Variants in TMEM132C observed in about 807,000 individuals in gnomAD.
TMEM132C encodes the protein protein phosphatase 1, regulatory subunit 152.
Under a neutral mutation model 61.4 loss-of-function variants are expected in TMEM132C, and 29 were observed. The ratio of observed to expected loss-of-function variants is 0.47; its 90% CI spans 0.35 to 0.64. The LOEUF is 0.64. TMEM132C is among the 30% of genes least tolerant of loss of function. The probability of loss-of-function intolerance (pLI) is 0.00; values close to 1 mark genes in which losing one functional copy is unlikely to be tolerated. For missense variants in TMEM132C, 1,408 were observed against 1,476.9 expected, an observed-to-expected ratio of 0.95 and a Z score of 0.76; for synonymous variants, 656 against 633.1, an observed-to-expected ratio of 1.04 and a Z score of -0.54.
At chr12:128,455,643 A>C (rs967842603) in intron 2 of TMEM132C, among the ~76,000 whole-genome samples, 11 of 152,242 alleles carry the variant, frequency 7.2e-5, no homozygotes, top group Non-Finnish European at 4.4e-5. Context: ...GAAACATATT[A>C]TAATAGAAAC....
At chr12:128,568,817 C>T (rs1483612324) in intron 3 of TMEM132C, among the ~76,000 whole-genome samples, 1 of 152,136 alleles carries the variant, frequency 6.6e-6, no homozygotes, top group Non-Finnish European at 1.5e-5. Context: ...TCCAAAGTGC[C>T]CATCTCTCAG....
Position 128,403,055 on chromosome 12 carries a change from C to T in TMEM132C, c.86-11677C>T, listed in dbSNP as rs189963781. Among the ~76,000 whole-genome samples the T allele has an allele frequency of 2.1e-3, 318 of 152,206 alleles. 1 individual carries two copies. The highest frequency in any genetic ancestry group is 7.4e-3 in the African/African-American group (307 of 41,524). On this transcript the variant is annotated intron_variant, in intron 1 of 8. Transcript: ENST00000435159. ...GCTTGACGGTTACGAAATTGCAAAC[C>T]GCGCTATGTAATTTCAGCAAAGGAT... is the stretch of plus-strand genomic sequence containing the variant.
At chr12:128,302,577 C>T (rs1466758697) in intron 1 of TMEM132C, among the ~76,000 whole-genome samples, 3 of 152,160 alleles carry the variant, frequency 2.0e-5, no homozygotes, top group South Asian at 2.1e-4. Context: ...GTAGCTCTTT[C>T]GTGTCACAAA....
At chr12:128,380,798 C>T (rs1429118240) in intron 1 of TMEM132C, among the ~76,000 whole-genome samples, 1 of 152,202 alleles carries the variant, frequency 6.6e-6, no homozygotes, top group East Asian at 1.9e-4. Flanking sequence ...CTACAAGCCT[C>T]TGGTCATAAC....
chr12:128,335,463 A>C (rs1468985574), intron 1 of TMEM132C, among the ~76,000 whole-genome samples: 1 of 152,192 alleles, frequency 6.6e-6, no homozygotes, highest in African/African-American at 2.4e-5. Context: ...TCGCTGTTGT[A>C]TTCTAACTGC....
intron 3 of TMEM132C, among the ~76,000 whole-genome samples, chr12:128,569,342 C>A (rs559298222): frequency 2.6e-5 from 4 of 152,254 alleles, no homozygotes; most frequent in Non-Finnish European, 5.9e-5. Flanking sequence ...CTGGGTCTGA[C>A]AGGCCTTCTT....
chr12:128,495,310 C>A (rs947431851), intron 2 of TMEM132C, among the ~76,000 whole-genome samples: 1 of 152,008 alleles, frequency 6.6e-6, no homozygotes, highest in Non-Finnish European at 1.5e-5. Context: ...AACGTATATT[C>A]TGTTGATTTG....
At chr12:128,268,917 A>C (rs1592990871) in intron 1 of TMEM132C, among the ~76,000 whole-genome samples, 2 of 113,944 alleles carry the variant, frequency 1.8e-5, no homozygotes, top group Non-Finnish European at 3.4e-5. Flanking sequence ...GAGAAGAGGG[A>C]AAGAGAGGGT....
chr12:128,372,851 G>A (rs576650336), intron 1 of TMEM132C, among the ~76,000 whole-genome samples: 1 of 152,126 alleles, frequency 6.6e-6, no homozygotes, highest in South Asian at 2.1e-4. Flanking sequence ...CTAGAAACCT[G>A]GAGTTTGTAC....
rs139329044 is a variant in TMEM132C at position 128,432,653 on chromosome 12, T to C, written c.974+17033T>C. ...AAAATGAAGAATGACTTCTTGCAGATGAGCAAAGAAAGTGTTTTCTGAGAT... is the reference window on the plus strand; with the variant it reads ...AAAATGAAGAATGACTTCTTGCAGACGAGCAAAGAAAGTGTTTTCTGAGAT... On this transcript the variant is annotated intron_variant, in intron 2 of 8. Transcript: ENST00000435159. Among the ~76,000 whole-genome samples the C allele has an allele frequency of 5.7e-4, 87 of 152,336 alleles. No individual in the cohort carries two copies. In the East Asian group the frequency reaches 0.016, roughly 28 times the overall value.
intron 3 of TMEM132C, among the ~76,000 whole-genome samples, chr12:128,579,336 T>TC (rs1875245443): frequency 6.6e-6 from 1 of 152,186 alleles, no homozygotes. Context: ...TCTAATGTCT[T>TC]CCATTAAGAA....
At chr12:128,426,425 T>C (rs949757107) in intron 2 of TMEM132C, among the ~76,000 whole-genome samples, 2 of 152,182 alleles carry the variant, frequency 1.3e-5, no homozygotes, top group Admixed American at 1.3e-4. Flanking sequence ...AAGCTGACTG[T>C]TCCCAGACTC....
In TMEM132C at chr12:128,358,810, G is replaced by A. The variant is rs546802392; in HGVS notation, c.86-55922G>A. 1.4e-4 allele frequency among the ~76,000 whole-genome samples: 21 copies of A among 152,224 alleles called. No individual in the cohort carries two copies. In the South Asian group the frequency reaches 3.1e-3, roughly 23 times the overall value. On this transcript the variant is annotated intron_variant, in intron 1 of 8. Coordinates refer to ENST00000435159, the MANE Select transcript of TMEM132C (RefSeq NM_001136103.3). ...CACAAAATTTGAATTGCGCACACAG[G>A]CTTCCAAGATATGTGAAGGAAACCC... is the stretch of plus-strand genomic sequence containing the variant.
chr12:128,389,770 C>T (rs1874706062), intron 1 of TMEM132C, among the ~76,000 whole-genome samples: 1 of 152,158 alleles, frequency 6.6e-6, no homozygotes, highest in African/African-American at 2.4e-5. Context: ...TGGATGAATC[C>T]AGGTAGACAC....
chr12:128,662,095 A>C (rs1434856847), intron 4 of TMEM132C, among the ~76,000 whole-genome samples: 4 of 152,216 alleles, frequency 2.6e-5, no homozygotes, highest in Non-Finnish European at 5.9e-5. Context: ...AAAAGAAAAA[A>C]AATCTGAAAA....
rs1291188945 is a variant in TMEM132C, at chr12:128,592,106, T to C, written c.1122-24046T>C. 3.5e-5 allele frequency among the ~76,000 whole-genome samples: 5 copies of C among 143,570 alleles called. No homozygotes were observed. In the East Asian group the frequency reaches 1.0e-3, roughly 29 times the overall value. The allele number at this position is 143,570 out of a possible 152,430, so 94.2% of individuals were successfully genotyped here. On this transcript the variant is annotated intron_variant, in intron 3 of 8. Transcript: ENST00000435159. ...CAGCCGAGAGGCTTTACATAAATAC[T>C]CAGATTCTTGGCCTTACTGGAAAAG...
At chr12:128,418,177 A>C (rs1868846197) in intron 2 of TMEM132C, among the ~76,000 whole-genome samples, 1 of 152,202 alleles carries the variant, frequency 6.6e-6, no homozygotes. Flanking sequence ...GCTCATGAGA[A>C]AGTCTGAGCA....
chr12:128,524,668 T>G (rs1873025065), intron 2 of TMEM132C, among the ~76,000 whole-genome samples: 1 of 152,178 alleles, frequency 6.6e-6, no homozygotes, highest in Non-Finnish European at 1.5e-5. Flanking sequence ...CAGGTTGAAA[T>G]GTGCTTCTGA....
chr12:128,329,718 G>A (rs1294135927), intron 1 of TMEM132C, among the ~76,000 whole-genome samples: 1 of 152,144 alleles, frequency 6.6e-6, no homozygotes, highest in African/African-American at 2.4e-5. Context: ...TTTGTTGGGG[G>A]CGGAGGAGGC....
Sources: allele counts gnomAD v4.1 joint callset (sites outside exome capture counted in the v4.1 genomes callset), GRCh38; gene constraint gnomAD v4.1.1; transcripts MANE v1.5; gene names NCBI Gene and HGNC (gene_info 2026-07-23, HGNC 2026-07-21).